Variants in SORCS1 observed in about 807,000 individuals in gnomAD.
SORCS1 encodes the protein sortilin related VPS10 domain containing receptor 1, also known as VPS10 domain-containing receptor SorCS1.
In SORCS1, 60 loss-of-function variants were observed where a neutral mutation model predicts 146.1. The observed-to-expected ratio is 0.41, with a 90% CI of 0.33 to 0.51. SORCS1 has a LOEUF of 0.51. Ranked by LOEUF, SORCS1 falls within the 20% of genes least tolerant of loss-of-function variation. The probability of loss-of-function intolerance (pLI) is 0.21; values close to 1 mark genes in which losing one functional copy is unlikely to be tolerated. For missense variants in SORCS1, 1,352 were observed against 1,487.6 expected (o/e 0.91, Z 1.50); for synonymous variants, 637 against 584.0 (o/e 1.09, Z -1.31).
intron 1 of SORCS1, among the ~76,000 whole-genome samples, chr10:107,044,687 G>T (rs1959218694): frequency 6.6e-6 from 1 of 150,826 alleles, no homozygotes; most frequent in African/African-American, 2.4e-5. Context: ...GCCGGGTGTT[G>T]TGGCGGGCGT....
At chr10:106,649,528 A>T (rs1849705036) in intron 18 of SORCS1, among the ~76,000 whole-genome samples, 1 of 152,210 alleles carries the variant, frequency 6.6e-6, no homozygotes, top group Non-Finnish European at 1.5e-5. Context: ...GACTTTTTAA[A>T]CACCTCTGTT....
intron 2 of SORCS1, among the ~76,000 whole-genome samples, chr10:106,918,362 A>G (rs1191967497): frequency 6.6e-6 from 1 of 151,904 alleles, no homozygotes; most frequent in Non-Finnish European, 1.5e-5. Context: ...ATGGTGTTTC[A>G]CCATGTTAGC....
At chr10:107,099,118 C>T (rs749405459) in intron 1 of SORCS1, among the ~76,000 whole-genome samples, 4 of 152,114 alleles carry the variant, frequency 2.6e-5, no homozygotes, top group Non-Finnish European at 2.9e-5. Context: ...AATTCTACAG[C>T]GCTCCAGAGG....
chr10:106,905,291 G>T (rs1951864914), intron 2 of SORCS1, among the ~76,000 whole-genome samples: 1 of 152,048 alleles, frequency 6.6e-6, no homozygotes, highest in African/African-American at 2.4e-5. Flanking sequence ...AATTAAGTTG[G>T]AGAAGGAAAA....
chr10:106,770,480 C>CAA (rs61310332), intron 4 of SORCS1, among the ~76,000 whole-genome samples: 18 of 126,258 alleles, frequency 1.4e-4, no homozygotes, highest in South Asian at 5.0e-4. Context: ...CAAAAAATCG[C>CAA]AAAAAAAAAA....
intron 1 of SORCS1, among the ~76,000 whole-genome samples, chr10:106,970,809 G>A (rs1025847907): frequency 6.6e-6 from 1 of 151,752 alleles, no homozygotes; most frequent in South Asian, 2.1e-4. Context: ...CGTGACCCCA[G>A]CTCACTGCAG....
At chr10:106,991,523 T>C (rs982426133) in intron 1 of SORCS1, among the ~76,000 whole-genome samples, 5 of 152,230 alleles carry the variant, frequency 3.3e-5, no homozygotes, top group Admixed American at 2.6e-4. Context: ...ATCTTCTCCA[T>C]GTGAGTCCTC....
At chr10:106,766,761 T>C (rs552959260) in intron 4 of SORCS1, among the ~76,000 whole-genome samples, 4 of 152,262 alleles carry the variant, frequency 2.6e-5, no homozygotes, top group Non-Finnish European at 4.4e-5. Context: ...GTATTAGTGA[T>C]ATCACAGACA....
At chr10:106,622,609 T>C (rs1469719292) in intron 19 of SORCS1, among the ~76,000 whole-genome samples, 2 of 152,196 alleles carry the variant, frequency 1.3e-5, no homozygotes, top group South Asian at 2.1e-4. Context: ...ATAAAGCATA[T>C]GTTGAGAAGC....
intron 1 of SORCS1, among the ~76,000 whole-genome samples, chr10:107,151,998 A>AAAATGCT (rs1197106854): frequency 6.6e-6 from 1 of 152,202 alleles, no homozygotes; most frequent in Admixed American, 6.5e-5. Flanking sequence ...CTAGGAGGGA[A>AAAATGCT]AAATGCTTTA....
chr10:106,578,952 G>T, intron 25 of SORCS1: 1 of 1,434,218 alleles, frequency 7.0e-7, no homozygotes, highest in Non-Finnish European at 9.1e-7. Flanking sequence ...GAGGAAGCAG[G>T]GAAAAAGCCA....
At chr10:107,123,605 G>A (rs1299955910) in intron 1 of SORCS1, among the ~76,000 whole-genome samples, 2 of 152,180 alleles carry the variant, frequency 1.3e-5, no homozygotes, top group African/African-American at 4.8e-5. Flanking sequence ...ATAACTTTTA[G>A]AACGCTTAAT....
intron 2 of SORCS1, among the ~76,000 whole-genome samples, chr10:106,885,916 T>C (rs1950982339): frequency 6.6e-6 from 1 of 152,252 alleles, no homozygotes; most frequent in African/African-American, 2.4e-5. Flanking sequence ...GCCTTTCACC[T>C]TCCCCCATGA....
chr10:107,133,491 T>G (rs1170808151), intron 1 of SORCS1, among the ~76,000 whole-genome samples: 1 of 152,132 alleles, frequency 6.6e-6, no homozygotes, highest in Non-Finnish European at 1.5e-5. Context: ...TTGAGGCTAT[T>G]TCTGAAGCCT....
rs531093139 is a variant in SORCS1 at position 106,925,195 on chromosome 10, G to GT, written c.626+31317dup. On this transcript the variant is annotated intron_variant, in intron 2 of 25. Coordinates refer to ENST00000263054, the MANE Select transcript of SORCS1 (RefSeq NM_052918.5). ...TAAATGATTGTCTTCTCTATTGTTT[G>GT]TTTTTTTTTTGTACAGCAGAAAGGC... Among the ~76,000 whole-genome samples the GT allele has an allele frequency of 6.1e-3, 900 of 147,084 alleles. 5 individuals are homozygous for GT. Among genetic ancestry groups the GT allele is most frequent in the Middle Eastern group, 0.028 (8 of 282 alleles).
intron 4 of SORCS1, among the ~76,000 whole-genome samples, chr10:106,765,062 T>C (rs1271842031): frequency 2.0e-5 from 3 of 151,168 alleles, no homozygotes; most frequent in Non-Finnish European, 4.4e-5. Context: ...TTGGGTTTGA[T>C]TTTGTTTAGC....
intron 17 of SORCS1, among the ~76,000 whole-genome samples, chr10:106,661,733 A>T (rs1850743471): frequency 6.6e-6 from 1 of 152,254 alleles, no homozygotes; most frequent in African/African-American, 2.4e-5. Flanking sequence ...TAAACATAAC[A>T]GTAAATGGCA....
At chr10:106,855,198 A>C (rs1949737093) in intron 2 of SORCS1, among the ~76,000 whole-genome samples, 1 of 151,100 alleles carries the variant, frequency 6.6e-6, no homozygotes, top group African/African-American at 2.4e-5. Context: ...ATTTCATCCC[A>C]CTCTCTTCTT....
chr10:106,923,739 G>A (rs1952840004), intron 2 of SORCS1, among the ~76,000 whole-genome samples: 1 of 152,086 alleles, frequency 6.6e-6, no homozygotes, highest in South Asian at 2.1e-4. Flanking sequence ...ATGTTTATTT[G>A]TCATCTGCAT....
Sources: allele counts gnomAD v4.1 joint callset (sites outside exome capture counted in the v4.1 genomes callset), GRCh38; gene constraint gnomAD v4.1.1; transcripts MANE v1.5; gene names NCBI Gene and HGNC (gene_info 2026-07-23, HGNC 2026-07-21).